The following GET3 variants were observed in gnomAD, a reference collection of about 807,000 sequenced individuals.
GET3 encodes the protein ATPase GET3.
GET3 carries 15 observed loss-of-function variants against 32.4 expected under a neutral mutation model. That is an observed-to-expected ratio of 0.46 (90% CI 0.31 to 0.71). The LOEUF (loss-of-function observed/expected upper bound fraction) is 0.71. Ranked by LOEUF, GET3 falls within the 30% of genes least tolerant of loss-of-function variation. The pLI, the probability that GET3 is intolerant of heterozygous loss-of-function variation, is 0.05. For synonymous variants in GET3, 198 were observed against 185.6 expected, an observed-to-expected ratio of 1.07 and a Z score of -0.54; for missense variants, 333 against 459.0, an observed-to-expected ratio of 0.73 and a Z score of 2.51.
In GET3 at chr19:12,747,430, G is replaced by C; in HGVS notation, c.753G>C (p.Glu251Asp). ...CTTTCATCTGCGTATGCATTGCTGA[G>C]TTCCTGTCCCTGTATGAGACAGAGA... Reference protein sequence around the residue: ...QTTFICVCIAEFLSLYETERL... With the variant: ...QTTFICVCIADFLSLYETERL... Residue 251 changes from glutamate to aspartate, a missense_variant, in exon 6 of 7, where the codon GAG becomes GAC. By Grantham distance (45) the Glu-to-Asp change is conservative. Transcript: ENST00000357332. This position sits in a 1 kb window ranked among gnomAD's most constrained non-coding sequence, Gnocchi z 4.0. 6.2e-7 allele frequency: 1 copy of C among 1,614,088 alleles called. No homozygotes were observed. Among genetic ancestry groups the C allele is most frequent in the Non-Finnish European group, 8.5e-7 (1 of 1,180,006 alleles).
chr19:12,743,270 G>C (rs1246464706), intron 2 of GET3, among the ~76,000 whole-genome samples: 1 of 152,036 alleles, frequency 6.6e-6, no homozygotes, highest in Non-Finnish European at 1.5e-5. Flanking sequence ...CTGAGGTTGG[G>C]AGTTGAAAAC....
At position 12,745,768 on chromosome 19, in the gene GET3, C is replaced by T. The variant is rs752373013; in HGVS notation, c.609+9C>T. ...GCCCTTTCATCTCACAGGCAGGCGG[C>T]GGGGGCCCCCACCTGCACCATCCAG... is the stretch of plus-strand genomic sequence containing the variant. On this transcript the variant is annotated intron_variant, in intron 4 of 6. Coordinates refer to ENST00000357332, the MANE Select transcript of GET3 (RefSeq NM_004317.4). The surrounding 1 kb of genome is among the most constrained non-coding windows in gnomAD (Gnocchi z 5.0). The T allele has an allele frequency of 1.0e-4, 164 of 1,597,340 alleles. No homozygotes were observed. Among genetic ancestry groups the T allele is most frequent in the Middle Eastern group, 1.7e-4 (1 of 5,976 alleles).
At chr19:12,744,068 TAGCC>T (rs1333938479) in intron 2 of GET3, among the ~76,000 whole-genome samples, 3 of 140,664 alleles carry the variant, frequency 2.1e-5, no homozygotes, top group African/African-American at 8.1e-5. Context: ...AAAAAAAAAT[TAGCC>T]AGGCATGGTG....
chr19:12,739,396 C>T (rs191262094), intron 2 of GET3, among the ~76,000 whole-genome samples: 27 of 152,244 alleles, frequency 1.8e-4, no homozygotes, highest in Non-Finnish European at 3.4e-4. Context: ...AAACTCCTGA[C>T]CTCAAGTGAT....
chr19:12,747,830 C>T lies in GET3; in HGVS notation c.916-143C>T, dbSNP rs1967803153. 9.7e-7 allele frequency: 1 copy of T among 1,027,858 alleles called. No homozygotes were observed. Among genetic ancestry groups the T allele is most frequent in the African/African-American group, 1.6e-5 (1 of 62,310 alleles). 63.7% of individuals were successfully genotyped at this position (1,027,858 alleles called of 1,614,324 possible). A position where few individuals can be genotyped will look rare whatever the true frequency, so the allele number is the denominator to read the frequency against. On this transcript the variant is annotated intron_variant, in intron 6 of 6. Transcript: ENST00000357332. This position sits in a 1 kb window ranked among gnomAD's most constrained non-coding sequence, Gnocchi z 4.0. Reference sequence around the variant, plus strand: ...TCTCTGACCATAGTGATGCAGCTCCCACTTATGACACCTTAAGCTCCTGCC... The same window carrying T: ...TCTCTGACCATAGTGATGCAGCTCCTACTTATGACACCTTAAGCTCCTGCC...
intron 2 of GET3, among the ~76,000 whole-genome samples, chr19:12,739,913 G>A (rs910149973): frequency 2.6e-5 from 4 of 152,044 alleles, no homozygotes; most frequent in African/African-American, 9.7e-5. Context: ...GGGCATGGTG[G>A]CAGGTGCCTG....
Position 12,748,002 on chromosome 19 carries a change from C to A in GET3, c.945C>A (p.Ile315=). Residue 315 remains isoleucine (I), a synonymous_variant, in exon 7 of 7, where the codon ATC becomes ATA. Transcript: ENST00000357332. ...AGGACCTGTATGAAGACTTCCACAT[C>A]GTGAAGCTGCCGCTGTTACCCCATG... The part of the protein sequence containing the change: ...QMEDLYEDFH[I]VKLPLLPHEV... 1 of 1,610,494 alleles carries A rather than the reference C, an allele frequency of 6.2e-7. No individual in the cohort carries two copies. The highest frequency in any genetic ancestry group is 8.5e-7 in the Non-Finnish European group (1 of 1,177,530).
intron 1 of GET3, among the ~76,000 whole-genome samples, chr19:12,737,900 C>T (rs1967603249): frequency 6.6e-6 from 1 of 152,164 alleles, no homozygotes; most frequent in Non-Finnish European, 1.5e-5. Context: ...GTGAACTCAG[C>T]GCCCGGGGGA....
intron 2 of GET3, among the ~76,000 whole-genome samples, chr19:12,739,706 G>T (rs1967630601): frequency 6.6e-6 from 1 of 152,112 alleles, no homozygotes; most frequent in South Asian, 2.1e-4. Context: ...GCCCAGAGGA[G>T]GTTGGCATTG....
chr19:12,738,798 ACAAGGG>A (rs1197882419), intron 2 of GET3, 140 bp downstream of exon 2: 1 of 1,169,036 alleles, frequency 8.6e-7, no homozygotes, highest in East Asian at 2.6e-5. Context: ...CAACATACTC[ACAAGGG>A]AACCAATGAG....
intron 2 of GET3, among the ~76,000 whole-genome samples, chr19:12,742,840 C>T (rs916208878): frequency 1.4e-4 from 21 of 152,044 alleles, no homozygotes; most frequent in African/African-American, 5.1e-4. Flanking sequence ...AGCTACCGCG[C>T]CCGGCCAAGA....
intron 2 of GET3, 105 bp downstream of exon 2, chr19:12,738,763 T>G (rs1345914389): frequency 2.3e-5 from 33 of 1,407,046 alleles, no homozygotes; most frequent in Non-Finnish European, 3.1e-5. Flanking sequence ...CTATATCCTG[T>G]GTCTCTCGTG....
intron 2 of GET3, among the ~76,000 whole-genome samples, chr19:12,738,886 A>G (rs1318919334): frequency 6.6e-6 from 1 of 152,242 alleles, no homozygotes; most frequent in Non-Finnish European, 1.5e-5. Flanking sequence ...GAGAAGTTGG[A>G]GAGACCAATC....
chr19:12,746,279 T>C (rs766122083), intron 4 of GET3, among the ~76,000 whole-genome samples: 2 of 152,172 alleles, frequency 1.3e-5, no homozygotes, highest in Non-Finnish European at 2.9e-5. Flanking sequence ...ACTACAGACA[T>C]GTACCACCAT....
At chr19:12,740,223 A>G (rs1967641739) in intron 2 of GET3, among the ~76,000 whole-genome samples, 1 of 151,742 alleles carries the variant, frequency 6.6e-6, no homozygotes, top group African/African-American at 2.4e-5. Flanking sequence ...TCTACTAAAA[A>G]TACAAAAAAT....
chr19:12,746,560 GT>G (rs1445713319), intron 4 of GET3, among the ~76,000 whole-genome samples: 7 of 152,214 alleles, frequency 4.6e-5, no homozygotes, highest in Non-Finnish European at 7.4e-5. Flanking sequence ...TGTGCCTCAG[GT>G]GGTAACACTG....
Position 12,748,233 on chromosome 19 carries a change from G to C in GET3, c.*129G>C. The C allele has an allele frequency of 1.1e-6, 1 of 907,492 alleles. No individual in the cohort carries two copies. The highest frequency in any genetic ancestry group is 1.5e-6 in the Non-Finnish European group (1 of 646,556). 56.2% of individuals were successfully genotyped at this position (907,492 alleles called of 1,614,324 possible). ...GCCACTTGGGCAGGAGGCAGGGAGG[G>C]GTCCATTCCCCCTGGTGGGGCTGGT... On this transcript the variant is annotated 3_prime_UTR_variant, in exon 7 of 7. Transcript: ENST00000357332.
intron 2 of GET3, among the ~76,000 whole-genome samples, chr19:12,739,277 C>A (rs1599447190): frequency 1.3e-5 from 2 of 152,140 alleles, no homozygotes; most frequent in African/African-American, 4.8e-5. Flanking sequence ...AAGCAATGCT[C>A]CTGCCTCAGC....
At position 12,748,236 on chromosome 19, in the gene GET3, C is replaced by T. The variant is rs1599454328; in HGVS notation, c.*132C>T. 1.1e-6 allele frequency: 1 copy of T among 881,650 alleles called. No homozygotes were observed. Among genetic ancestry groups the T allele is most frequent in the Non-Finnish European group, 1.6e-6 (1 of 620,380 alleles). The allele number at this position is 881,650 out of a possible 1,614,324, so 54.6% of individuals were successfully genotyped here. On this transcript the variant is annotated 3_prime_UTR_variant, in exon 7 of 7. Coordinates refer to ENST00000357332, the MANE Select transcript of GET3 (RefSeq NM_004317.4). ...ACTTGGGCAGGAGGCAGGGAGGGGT[C>T]CATTCCCCCTGGTGGGGCTGGTGGG...
Sources: allele counts gnomAD v4.1 joint callset (sites outside exome capture counted in the v4.1 genomes callset), GRCh38; gene constraint gnomAD v4.1.1; non-coding constraint Gnocchi (gnomAD v3.1); transcripts MANE v1.5; gene names NCBI Gene and HGNC (gene_info 2026-07-23, HGNC 2026-07-21).